Variants in CNTN5 observed in about 807,000 individuals in gnomAD.
The protein encoded by CNTN5 is contactin-5.
In CNTN5, 77 loss-of-function variants were observed where a neutral mutation model predicts 129.1. The ratio of observed to expected loss-of-function variants is 0.60; its 90% CI spans 0.50 to 0.72. CNTN5 has a LOEUF of 0.72. Among genes scored for constraint, CNTN5 ranks in the 30% least tolerant of loss-of-function variants. CNTN5 has a pLI of 0.00. For missense variants in CNTN5, 1,478 were observed against 1,328.8 expected, an observed-to-expected ratio of 1.11 and a Z score of -1.75; for synonymous variants, 509 against 465.6, an observed-to-expected ratio of 1.09 and a Z score of -1.20.
chr11:100,017,453 G>A (rs566115852), intron 9 of CNTN5, among the ~76,000 whole-genome samples: 13 of 152,092 alleles, frequency 8.5e-5, no homozygotes, highest in Admixed American at 5.2e-4. Flanking sequence ...CTTAGAGATA[G>A]TGGTGTGTCT....
chr11:99,238,705 A>G (rs59307159), intron 1 of CNTN5, among the ~76,000 whole-genome samples: 2,600 of 152,254 alleles, frequency 0.017, 88 homozygotes, highest in African/African-American at 0.06. Flanking sequence ...CAAGAATAGC[A>G]TGTTTCTTGG....
intron 6 of CNTN5, among the ~76,000 whole-genome samples, chr11:99,901,294 T>A (rs1949350294): frequency 6.6e-6 from 1 of 152,060 alleles, no homozygotes; most frequent in Admixed American, 6.6e-5. Context: ...ATACATTTTC[T>A]ATTTTTTTTT....
intron 16 of CNTN5, among the ~76,000 whole-genome samples, chr11:100,248,230 T>C (rs1473914815): frequency 6.6e-6 from 1 of 152,148 alleles, no homozygotes; most frequent in African/African-American, 2.4e-5. Context: ...AATTTCACTT[T>C]TCATTTAAAA....
intron 1 of CNTN5, among the ~76,000 whole-genome samples, chr11:99,089,853 G>A (rs1429332353): frequency 6.6e-6 from 1 of 151,972 alleles, no homozygotes; most frequent in East Asian, 1.9e-4. Context: ...TTGTCATTTG[G>A]CATACTCTGT....
At chr11:99,930,796 A>AACACACACACACACACACAC (rs59103010) in intron 7 of CNTN5, among the ~76,000 whole-genome samples, 44 of 149,558 alleles carry the variant, frequency 2.9e-4, no homozygotes, top group African/African-American at 8.1e-4. Flanking sequence ...CATACACACA[A>AACACACACACACACACACAC]ACACACACAC....
chr11:99,662,598 A>T (rs651540), intron 3 of CNTN5, among the ~76,000 whole-genome samples: 148,307 of 152,318 alleles, frequency 0.97, 72,325 homozygotes, highest in East Asian at 1. Flanking sequence ...ATAGATTAAG[A>T]ATCTGATGTA....
At chr11:99,498,570 T>G (rs1018323948) in intron 2 of CNTN5, among the ~76,000 whole-genome samples, 1 of 152,130 alleles carries the variant, frequency 6.6e-6, no homozygotes, top group African/African-American at 2.4e-5. Context: ...TCCTCCCTAC[T>G]CCCACCCACC....
chr11:99,520,399 A>G (rs1038106869), intron 2 of CNTN5, among the ~76,000 whole-genome samples: 2 of 152,146 alleles, frequency 1.3e-5, no homozygotes, highest in Non-Finnish European at 2.9e-5. Flanking sequence ...GTAAACTTAC[A>G]TGCTTTATGC....
intron 15 of CNTN5, among the ~76,000 whole-genome samples, chr11:100,220,007 G>A (rs1225755069): frequency 6.6e-6 from 1 of 152,106 alleles, no homozygotes; most frequent in Non-Finnish European, 1.5e-5. Flanking sequence ...GCTGGGCGTG[G>A]TGGCTCATGC....
chr11:99,916,109 G>C lies in CNTN5; in HGVS notation c.633G>C (p.Gln211His). 1 of 1,612,472 alleles carries C rather than the reference G, an allele frequency of 6.2e-7. No individual in the cohort carries two copies. Among genetic ancestry groups the C allele is most frequent in the Non-Finnish European group, 8.5e-7 (1 of 1,179,248 alleles). Residue 211 changes from glutamine to histidine, a missense_variant, in exon 7 of 25, where the codon CAG becomes CAC. Transcript: ENST00000524871. ...TRSAVSVREGQGVVLMCSPPP... is the reference protein window; with the variant it reads ...TRSAVSVREGHGVVLMCSPPP... Reference sequence around the variant, plus strand: ...GTGCAGTCTCTGTGAGGGAAGGCCAGGGTGTCGTTCTGATGTGCTCTCCTC... The same window carrying C: ...GTGCAGTCTCTGTGAGGGAAGGCCACGGTGTCGTTCTGATGTGCTCTCCTC...
At chr11:100,261,904 TA>T (rs1464798800) in intron 17 of CNTN5, among the ~76,000 whole-genome samples, 1 of 152,140 alleles carries the variant, frequency 6.6e-6, no homozygotes, top group Non-Finnish European at 1.5e-5. Flanking sequence ...ACTTCATTAC[TA>T]AAACACCAAA....
At chr11:99,738,040 C>T (rs1447694469) in intron 3 of CNTN5, among the ~76,000 whole-genome samples, 7 of 152,034 alleles carry the variant, frequency 4.6e-5, no homozygotes, top group African/African-American at 7.2e-5. Flanking sequence ...TATGCAGTAT[C>T]GTTAGAGAAA....
intron 13 of CNTN5, among the ~76,000 whole-genome samples, chr11:100,103,833 C>G (rs1945316720): frequency 1.3e-5 from 2 of 152,162 alleles, no homozygotes; most frequent in South Asian, 4.1e-4. Flanking sequence ...CAGCTCTTGA[C>G]TTATCAGCAA....
At chr11:99,577,235 C>A (rs1249877670) in intron 3 of CNTN5, among the ~76,000 whole-genome samples, 1 of 152,166 alleles carries the variant, frequency 6.6e-6, no homozygotes, top group African/African-American at 2.4e-5. Context: ...ATGTCCAGCA[C>A]TTTTCACATA....
chr11:100,337,819 C>T (rs1377069843), intron 21 of CNTN5, among the ~76,000 whole-genome samples: 1 of 152,182 alleles, frequency 6.6e-6, no homozygotes, highest in Non-Finnish European at 1.5e-5. Context: ...GGGCAATTGA[C>T]AGGGATACAA....
At chr11:100,032,296 G>A (rs1208548926) in intron 9 of CNTN5, among the ~76,000 whole-genome samples, 6 of 151,846 alleles carry the variant, frequency 4.0e-5, no homozygotes, top group Non-Finnish European at 8.8e-5. Flanking sequence ...TATTAATGTG[G>A]ATTTTGTTCT....
intron 8 of CNTN5, among the ~76,000 whole-genome samples, chr11:99,987,223 T>C (rs6590484): frequency 0.43 from 65,191 of 151,772 alleles, 15,092 homozygotes; most frequent in African/African-American, 0.6. Context: ...TACCAGGGAC[T>C]GTGTGAGGAT....
At chr11:99,481,997 T>C (rs901336442) in intron 2 of CNTN5, among the ~76,000 whole-genome samples, 6 of 152,214 alleles carry the variant, frequency 3.9e-5, no homozygotes, top group African/African-American at 1.2e-4. Flanking sequence ...AATGAATAAA[T>C]TGATACCTTG....
At chr11:100,287,829 C>CA (rs1335534707) in intron 18 of CNTN5, among the ~76,000 whole-genome samples, 1 of 152,120 alleles carries the variant, frequency 6.6e-6, no homozygotes, top group African/African-American at 2.4e-5. Flanking sequence ...GATAAAGAGT[C>CA]AAGACCCATC....
Sources: allele counts gnomAD v4.1 joint callset (sites outside exome capture counted in the v4.1 genomes callset), GRCh38; gene constraint gnomAD v4.1.1; transcripts MANE v1.5; gene names NCBI Gene and HGNC (gene_info 2026-07-23, HGNC 2026-07-21).